The following DNAH17 variants were observed in gnomAD, a reference collection of about 807,000 sequenced individuals.
The protein encoded by DNAH17 is dynein axonemal heavy chain 17.
DNAH17 carries 376 observed loss-of-function variants against 485.6 expected under a neutral mutation model. That is an observed-to-expected ratio of 0.77 (90% CI 0.71 to 0.84). The LOEUF (loss-of-function observed/expected upper bound fraction) is 0.84. Ranked by LOEUF, DNAH17 falls within the 40% of genes least tolerant of loss-of-function variation. DNAH17 has a pLI of 0.00. For synonymous variants in DNAH17, 3,031 were observed against 2,405.9 expected (o/e 1.26, Z -7.60); for missense variants, 6,370 against 5,839.3 (o/e 1.09, Z -2.96).
Position 78,526,943 on chromosome 17 carries a change from C to G in DNAH17, c.3561G>C (p.Leu1187=). The G allele has an allele frequency of 6.3e-7, 1 of 1,588,998 alleles. No homozygotes were observed. The highest frequency in any genetic ancestry group is 2.3e-5 in the East Asian group (1 of 43,838). Reference sequence around the variant, plus strand: ...CGTTGGCCTGGAGTGGTGCCACGGTCAGCTTCACCTGAATGGCCAGTTTCT... The same window carrying G: ...CGTTGGCCTGGAGTGGTGCCACGGTGAGCTTCACCTGAATGGCCAGTTTCT... The part of the protein sequence containing the change: ...NTKKLAIQVK[L]TVAPLQANEV... The change falls in exon 23 of 81, where the codon CTG becomes CTC. Residue 1187 remains leucine (L), a synonymous_variant. Transcript: ENST00000389840.
intron 26 of DNAH17, among the ~76,000 whole-genome samples, chr17:78,512,498 G>GCCA (rs2090659926): frequency 6.6e-6 from 1 of 152,150 alleles, no homozygotes; most frequent in Admixed American, 6.5e-5. Flanking sequence ...ACCAAAATAC[G>GCCA]CCACTTTGGC....
chr17:78,460,423 T>C (rs115288566), intron 58 of DNAH17, among the ~76,000 whole-genome samples, 166 bp from the exon 59 acceptor site: 193 of 152,310 alleles, frequency 1.3e-3, no homozygotes, highest in African/African-American at 4.4e-3. Context: ...CATGTATGTG[T>C]ATGTGCATCC....
rs890812082 is a variant in DNAH17, at chr17:78,440,080, T to G, written c.11678-863A>C. ...TCCAGAGTAGCTGGGACCACAGGCA[T>G]GCACCACTATGCCCAGCTAATTTAT... On this transcript the variant is annotated intron_variant, in intron 72 of 80. Transcript: ENST00000389840. Among the ~76,000 whole-genome samples the G allele has an allele frequency of 5.3e-5, 8 of 151,982 alleles. No homozygotes were observed. In the East Asian group the frequency reaches 7.7e-4, roughly 15 times the overall value.
At position 78,479,761 on chromosome 17, in the gene DNAH17, C is replaced by T. The variant is rs557451174; in HGVS notation, c.7753-129G>A. The T allele has an allele frequency of 2.0e-4, 255 of 1,266,370 alleles. 4 individuals are homozygous for T. The South Asian group carries it at 2.6e-3, about 13-fold the overall frequency. The allele number at this position is 1,266,370 out of a possible 1,614,324, so 78.4% of individuals were successfully genotyped here. A position where few individuals can be genotyped will look rare whatever the true frequency, so the allele number is the denominator to read the frequency against. ...GTCTTTTGGGCATTGTCAGAATGGGCAGTTACCCTCCTTGTGCCTTGCATG... is the reference window on the plus strand; with the variant it reads ...GTCTTTTGGGCATTGTCAGAATGGGTAGTTACCCTCCTTGTGCCTTGCATG... On this transcript the variant is annotated intron_variant, in intron 49 of 80. Transcript: ENST00000389840.
intron 61 of DNAH17, 58 bp from the exon 62 acceptor site, chr17:78,458,738 G>T (rs1055382940): frequency 1.9e-5 from 28 of 1,443,060 alleles, no homozygotes; most frequent in Non-Finnish European, 2.7e-5. Flanking sequence ...CTAGCCCCCT[G>T]CAGCGGCAGC....
chr17:78,564,756 G>C (rs893591129), intron 11 of DNAH17, among the ~76,000 whole-genome samples: 1 of 152,108 alleles, frequency 6.6e-6, no homozygotes, highest in Non-Finnish European at 1.5e-5. Context: ...CTCAAATCCA[G>C]TGCCTGACCT....
rs1323453642 is a variant in DNAH17, at chr17:78,482,706, TC to T, written c.7650-1921del. Among the ~76,000 whole-genome samples, 8 of 152,328 alleles carry T rather than the reference TC, an allele frequency of 5.3e-5. No homozygotes were observed. The East Asian group carries it at 1.5e-3, about 29-fold the overall frequency. ...CGGGCCCCACCCTTGTCTGCCTTTT[TC>T]TTCCACAGGTGAGCATTTTCCTGAC... On this transcript the variant is annotated intron_variant, in intron 48 of 80. Transcript: ENST00000389840.
chr17:78,496,138 C>A, intron 37 of DNAH17, 106 bp from the exon 38 acceptor site: 1 of 1,234,834 alleles, frequency 8.1e-7, no homozygotes, highest in Non-Finnish European at 1.1e-6. Flanking sequence ...TTTGCGCCTG[C>A]AAATTCAAAC....
At position 78,529,509 on chromosome 17, in the gene DNAH17, C is replaced by T; in HGVS notation, c.3470G>A (p.Gly1157Glu). Residue 1157 changes from glycine to glutamate, a missense_variant, in exon 22 of 81, where the codon GGG (glycine) becomes GAG (glutamate). Transcript: ENST00000389840. ...GTGGATCTCCTCTGGCATCTCCTCC[C>T]CGTAGGTCTTGAGCAGCTCGATGGT... ...KQTIELLKTY[G>E]EEMPEEIHLK... 1 of 1,613,994 alleles carries T rather than the reference C, an allele frequency of 6.2e-7. No homozygotes were observed. Among genetic ancestry groups the T allele is most frequent in the Middle Eastern group, 1.7e-4 (1 of 6,060 alleles).
intron 7 of DNAH17, among the ~76,000 whole-genome samples, chr17:78,569,750 AGAT>A (rs1367427798): frequency 6.6e-6 from 1 of 152,222 alleles, no homozygotes; most frequent in Non-Finnish European, 1.5e-5. Flanking sequence ...TGGGGGTCGC[AGAT>A]GATGAGAGGC....
chr17:78,463,489 T>C (rs146585941), intron 56 of DNAH17, among the ~76,000 whole-genome samples: 6,281 of 150,130 alleles, frequency 0.042, 468 homozygotes, highest in African/African-American at 0.15. Flanking sequence ...CACATACCTG[T>C]ATATATACAC....
At chr17:78,564,215 A>AC (rs2092220510) in intron 11 of DNAH17, among the ~76,000 whole-genome samples, 2 of 151,962 alleles carry the variant, frequency 1.3e-5, no homozygotes, top group Middle Eastern at 3.4e-3. Context: ...CCCCTAGTGA[A>AC]CCCTGGGGGA....
chr17:78,515,166 AT>A, intron 25 of DNAH17, 144 bp from the exon 26 acceptor site: 2 of 1,013,388 alleles, frequency 2.0e-6, no homozygotes, highest in Non-Finnish European at 2.8e-6. Flanking sequence ...CAGTAAAGTG[AT>A]TAGATACAAG....
At chr17:78,533,857 T>C (rs1371569791) in intron 19 of DNAH17, among the ~76,000 whole-genome samples, 1 of 152,008 alleles carries the variant, frequency 6.6e-6, no homozygotes, top group East Asian at 1.9e-4. Context: ...GCTAATTTTT[T>C]GCATTTTTAT....
rs1295218420 is a variant in DNAH17, at chr17:78,429,283, G to A, written c.12243C>T (p.Leu4081=). The change falls in exon 76 of 81, where the codon CTC becomes CTT. Residue 4081 remains leucine, a synonymous_variant. Coordinates refer to ENST00000389840, the MANE Select transcript of DNAH17 (RefSeq NM_173628.4). Reference sequence around the variant, plus strand: ...ACATGATTTCACCAAAAAGGTAGCGGAGATCGTCCCAGGGCACCTGAGGAA... The same window carrying A: ...ACATGATTTCACCAAAAAGGTAGCGAAGATCGTCCCAGGGCACCTGAGGAA... ...EANPKVPWDD[L]RYLFGEIMYG... 6.2e-7 allele frequency: 1 copy of A among 1,613,690 alleles called. No individual in the cohort carries two copies. The highest frequency in any genetic ancestry group is 8.5e-7 in the Non-Finnish European group (1 of 1,179,846).
intron 17 of DNAH17, among the ~76,000 whole-genome samples, chr17:78,543,112 T>C (rs1006030332): frequency 1.9e-5 from 2 of 103,186 alleles, no homozygotes; most frequent in Non-Finnish European, 3.8e-5. Context: ...TTAAAGATCA[T>C]AGGTTTTGTT....
intron 2 of DNAH17, among the ~76,000 whole-genome samples, chr17:78,573,306 G>A (rs2092386340): frequency 6.6e-6 from 1 of 152,146 alleles, no homozygotes; most frequent in South Asian, 2.1e-4. Context: ...TCTTTAAAGA[G>A]GTGAGTAAGG....
At position 78,529,544 on chromosome 17, in the gene DNAH17, G is replaced by T; in HGVS notation, c.3435C>A (p.Pro1145=). Residue 1145 remains proline, a synonymous_variant, in exon 22 of 81, where the codon CCC becomes CCA. Coordinates refer to ENST00000389840, the MANE Select transcript of DNAH17 (RefSeq NM_173628.4). ...TGAGCAGCTCGATGGTTTGCTTCAGGGGCTCAAACATGTTGTCGGTGGCTG... is the reference window on the plus strand; with the variant it reads ...TGAGCAGCTCGATGGTTTGCTTCAGTGGCTCAAACATGTTGTCGGTGGCTG... ...RQAATDNMFE[P]LKQTIELLKT... is the part of the protein sequence containing the mutation. 6.2e-7 allele frequency: 1 copy of T among 1,613,910 alleles called. No homozygotes were observed. Among genetic ancestry groups the T allele is most frequent in the Non-Finnish European group, 8.5e-7 (1 of 1,179,874 alleles).
chr17:78,533,581 A>G (rs1221608153), intron 19 of DNAH17, among the ~76,000 whole-genome samples: 3 of 152,242 alleles, frequency 2.0e-5, no homozygotes, highest in African/African-American at 7.2e-5. Context: ...CAAACTGGTT[A>G]AGCAAAGAGA....
Sources: gnomAD v4.1 joint callset for allele counts (sites outside exome capture counted in the v4.1 genomes callset) on GRCh38, gnomAD v4.1.1 for gene constraint, MANE v1.5 for transcripts, NCBI Gene and HGNC (gene_info 2026-07-23, HGNC 2026-07-21) for gene names.